NECTIN3: variants seen among roughly 807,000 people sequenced by gnomAD.
NECTIN3 encodes nectin-3.
A neutral mutation model predicts 49.4 loss-of-function variants in NECTIN3; 8 were observed. That is an observed-to-expected ratio of 0.16 (90% CI 0.10 to 0.29). NECTIN3 has a LOEUF of 0.29. Ranked by LOEUF, NECTIN3 falls within the 10% of genes least tolerant of loss-of-function variation. The pLI, the probability that NECTIN3 is intolerant of heterozygous loss-of-function variation, is 1.00. For synonymous variants in NECTIN3, 277 were observed against 241.1 expected, an observed-to-expected ratio of 1.15 and a Z score of -1.38; for missense variants, 581 against 654.6, an observed-to-expected ratio of 0.89 and a Z score of 1.23.
intron 7 of NECTIN3, among the ~76,000 whole-genome samples, chr3:111,166,842 T>C (rs538334864): frequency 1.3e-5 from 2 of 152,336 alleles, no homozygotes; most frequent in East Asian, 1.9e-4. Flanking sequence ...CTATATACTA[T>C]GTATATGTGA....
At chr3:111,077,755 A>T (rs2031319514) in intron 1 of NECTIN3, among the ~76,000 whole-genome samples, 2 of 152,190 alleles carry the variant, frequency 1.3e-5, no homozygotes, top group African/African-American at 4.8e-5. Flanking sequence ...TTCTGAAAGA[A>T]ATGTGCTTCA....
chr3:111,164,271 C>A, intron 7 of NECTIN3, among the ~76,000 whole-genome samples: 1 of 152,186 alleles, frequency 6.6e-6, no homozygotes, highest in South Asian at 2.1e-4. Flanking sequence ...GTTTAATTTA[C>A]TCAAATATAA....
chr3:111,104,475 C>T (rs2033078440), intron 1 of NECTIN3, among the ~76,000 whole-genome samples: 1 of 152,032 alleles, frequency 6.6e-6, no homozygotes, highest in African/African-American at 2.4e-5. Context: ...CGTACACCAA[C>T]ACGTCTGGCT....
intron 6 of NECTIN3, among the ~76,000 whole-genome samples, chr3:111,145,628 TTC>T (rs2034855923): frequency 6.6e-6 from 1 of 152,168 alleles, no homozygotes; most frequent in African/African-American, 2.4e-5. Flanking sequence ...AGTGTCTCAG[TTC>T]TCTTAATTCT....
At chr3:111,100,319 A>G (rs1576098497) in intron 1 of NECTIN3, among the ~76,000 whole-genome samples, 1 of 152,182 alleles carries the variant, frequency 6.6e-6, no homozygotes, top group South Asian at 2.1e-4. Flanking sequence ...TTACAAGTTC[A>G]CAAAATTTGA....
chr3:111,114,055 C>G (rs1171928825), intron 2 of NECTIN3, among the ~76,000 whole-genome samples: 1 of 152,068 alleles, frequency 6.6e-6, no homozygotes, highest in Non-Finnish European at 1.5e-5. Flanking sequence ...GATAAAATCA[C>G]TTTTTATTTT....
chr3:111,127,811 G>A (rs2034228064), intron 5 of NECTIN3, among the ~76,000 whole-genome samples: 1 of 151,914 alleles, frequency 6.6e-6, no homozygotes, highest in South Asian at 2.1e-4. Flanking sequence ...CAAGTGATCT[G>A]CCCACCTCAA....
intron 1 of NECTIN3, among the ~76,000 whole-genome samples, chr3:111,092,508 T>A (rs957465840): frequency 3.3e-5 from 5 of 152,196 alleles, no homozygotes; most frequent in African/African-American, 7.2e-5. Flanking sequence ...ATCATTTTTT[T>A]AATATGGATA....
intron 1 of NECTIN3, among the ~76,000 whole-genome samples, chr3:111,080,196 A>G (rs867098886): frequency 6.6e-6 from 1 of 152,134 alleles, no homozygotes; most frequent in Non-Finnish European, 1.5e-5. Context: ...GCCGTTTTCA[A>G]TGAGGAAAGA....
intron 2 of NECTIN3, 76 bp downstream of exon 2, chr3:111,112,447 G>T: frequency 6.5e-6 from 6 of 924,494 alleles, no homozygotes; most frequent in Admixed American, 3.1e-5. Flanking sequence ...AAATTAAAAT[G>T]GTTGAAATTT....
chr3:111,145,931 C>T (rs2034862584), intron 6 of NECTIN3, among the ~76,000 whole-genome samples: 1 of 152,158 alleles, frequency 6.6e-6, no homozygotes, highest in Non-Finnish European at 1.5e-5. Flanking sequence ...TCAGTTACAG[C>T]TCTGTCATGA....
At chr3:111,181,044 C>T (rs2035619020) in intron 7 of NECTIN3, among the ~76,000 whole-genome samples, 1 of 151,984 alleles carries the variant, frequency 6.6e-6, no homozygotes, top group Admixed American at 6.6e-5. Flanking sequence ...TAACCATTGC[C>T]CCAAGCAAGA....
chr3:111,127,658 C>T (rs565509613), intron 5 of NECTIN3, among the ~76,000 whole-genome samples: 1 of 151,956 alleles, frequency 6.6e-6, no homozygotes, highest in East Asian at 1.9e-4. Context: ...CTCTGCCTCC[C>T]GGGCTCAAGC....
intron 1 of NECTIN3, among the ~76,000 whole-genome samples, chr3:111,084,026 A>G (rs2031785080): frequency 6.6e-6 from 1 of 152,204 alleles, no homozygotes; most frequent in South Asian, 2.1e-4. Context: ...GGAGAGAAGC[A>G]GGAGAAGCTC....
intron 1 of NECTIN3, among the ~76,000 whole-genome samples, chr3:111,095,788 A>C (rs1456141130): frequency 6.6e-6 from 1 of 152,172 alleles, no homozygotes; most frequent in African/African-American, 2.4e-5. Context: ...CATCCATGTA[A>C]GATGTGACTT....
intron 7 of NECTIN3, among the ~76,000 whole-genome samples, chr3:111,159,318 A>T (rs968500980): frequency 6.6e-6 from 1 of 152,148 alleles, no homozygotes; most frequent in African/African-American, 2.4e-5. Context: ...TAGTTCTTGT[A>T]TACAGAGATT....
At chr3:111,072,453 C>G (rs1195861505) in intron 1 of NECTIN3, 2 of 1,535,062 alleles carry the variant, frequency 1.3e-6, no homozygotes, top group Middle Eastern at 1.7e-4. Context: ...CTTCGTGCGC[C>G]GAACTCCGGG....
intron 7 of NECTIN3, among the ~76,000 whole-genome samples, chr3:111,165,355 A>T (rs1470408709): frequency 6.6e-6 from 1 of 151,870 alleles, no homozygotes; most frequent in Non-Finnish European, 1.5e-5. Context: ...ATTTTTTTTT[A>T]AAGCATTCTT....
intron 1 of NECTIN3, among the ~76,000 whole-genome samples, chr3:111,088,293 C>T (rs530966249): frequency 3.3e-5 from 5 of 152,254 alleles, no homozygotes; most frequent in Non-Finnish European, 7.4e-5. Context: ...ACCCAGCTGT[C>T]CTTTGCCTTC....
Sources: gnomAD v4.1 joint callset for allele counts (sites outside exome capture counted in the v4.1 genomes callset) on GRCh38, gnomAD v4.1.1 for gene constraint, MANE v1.5 for transcripts, NCBI Gene and HGNC (gene_info 2026-07-23, HGNC 2026-07-21) for gene names.